The following ST6GALNAC2 variants were observed in gnomAD, a reference collection of about 807,000 sequenced individuals.
The protein encoded by ST6GALNAC2 is alpha-N-acetylgalactosaminide alpha-2,6-sialyltransferase 2.
Under a neutral mutation model 38.7 loss-of-function variants are expected in ST6GALNAC2, and 42 were observed. The ratio of observed to expected loss-of-function variants is 1.09; its 90% CI spans 0.85 to 1.40. The LOEUF is 1.40. ST6GALNAC2 is among the 40% of genes most tolerant of loss of function. The pLI is 0.00. For missense variants in ST6GALNAC2, 506 were observed against 481.7 expected, an observed-to-expected ratio of 1.05 and a Z score of -0.47; for synonymous variants, 233 against 209.0, an observed-to-expected ratio of 1.11 and a Z score of -0.99.
intron 1 of ST6GALNAC2, among the ~76,000 whole-genome samples, chr17:76,581,536 G>A (rs1294710251): frequency 6.6e-6 from 1 of 152,198 alleles, no homozygotes; most frequent in Non-Finnish European, 1.5e-5. Flanking sequence ...AGACGGGTGG[G>A]GGACAGGGGT....
In ST6GALNAC2 at chr17:76,566,211, G is replaced by A. The variant is rs369820531; in HGVS notation, c.1018C>T (p.Arg340Ter). 40 of 1,613,998 alleles carry A rather than the reference G, an allele frequency of 2.5e-5. No individual in the cohort carries two copies. The highest frequency in any genetic ancestry group is 3.3e-5 in the South Asian group (3 of 91,088). ...TAAAATATCAATGGCTTCATTTTTC[G>A]TTCGAAATAGTGGTCGGAAAATTTC... ...YWKFSDHYFE[R>*]KMKPLIFYAN... The change falls in exon 9 of 9, where the codon CGA becomes TGA. Residue 340 changes from arginine to a stop codon, truncating the protein, a stop_gained. Coordinates refer to ENST00000225276, the MANE Select transcript of ST6GALNAC2 (RefSeq NM_006456.3). LOFTEE classifies it low-confidence loss of function (END_TRUNC).
chr17:76,568,659 T>G (rs991099483), intron 7 of ST6GALNAC2, 54 bp downstream of exon 7: 14 of 1,561,666 alleles, frequency 9.0e-6, no homozygotes, highest in Non-Finnish European at 1.1e-5. Flanking sequence ...TGTGGGTGGG[T>G]GTGTAAAAGG....
chr17:76,575,098 C>T (rs2075400721), intron 2 of ST6GALNAC2, among the ~76,000 whole-genome samples: 1 of 152,212 alleles, frequency 6.6e-6, no homozygotes, highest in South Asian at 2.1e-4. Flanking sequence ...TGGCCTCACA[C>T]TCCTTCATCT....
rs573886268 is a variant in ST6GALNAC2, at chr17:76,565,823, C to T, written c.*281G>A. ...TGTCTGATCTTGCTGAACACTCCAC[C>T]GACATTTCCTAAAGTTGCTCAGTGC... On this transcript the variant is annotated 3_prime_UTR_variant, in exon 9 of 9. Transcript: ENST00000225276. The T allele has an allele frequency of 9.9e-5, 34 of 341,752 alleles. 1 individual carries two copies. The highest frequency in any genetic ancestry group is 7.9e-4 in the South Asian group (19 of 24,062). The allele number at this position is 341,752 out of a possible 1,614,324, so 21.2% of individuals were successfully genotyped here. A position where few individuals can be genotyped will look rare whatever the true frequency, so the allele number is the denominator to read the frequency against.
chr17:76,572,861 C>T (rs1598251172), intron 4 of ST6GALNAC2, 86 bp from the exon 5 acceptor site: 6 of 1,523,776 alleles, frequency 3.9e-6, no homozygotes, highest in Non-Finnish European at 5.4e-6. Flanking sequence ...CCTGGCCTAT[C>T]CCCCTGCCTC....
intron 5 of ST6GALNAC2, chr17:76,570,885 AG>A (rs1953952156): frequency 1.8e-6 from 1 of 548,340 alleles, no homozygotes; most frequent in South Asian, 2.1e-5. Context: ...CATCCCCTGG[AG>A]TATGGGCTGG....
Position 76,573,222 on chromosome 17 carries a change from T to C in ST6GALNAC2, c.503A>G (p.Asn168Ser). The part of the protein sequence containing the change: ...GILNGSRQGP[N>S]IDAHDYVFRL... ...GAATACATAGTCATGGGCATCGATG[T>C]TGGGACCCTGGCGGGACCCATTCAG... is the stretch of plus-strand genomic sequence containing the variant. The change falls in exon 4 of 9, where the codon AAC becomes AGC. Residue 168 changes from asparagine (N) to serine (S), a missense_variant. Physicochemically the swap from Asn to Ser is conservative, Grantham distance 46. Transcript: ENST00000225276. The surrounding 1 kb of genome is among the most constrained non-coding windows in gnomAD (Gnocchi z 5.1). 6.2e-7 allele frequency: 1 copy of C among 1,612,992 alleles called. No individual in the cohort carries two copies. Among genetic ancestry groups the C allele is most frequent in the African/African-American group, 1.3e-5 (1 of 75,012 alleles).
rs1450833045 is a variant in ST6GALNAC2, at chr17:76,573,607, T to G, written c.362-244A>C. 6.6e-6 allele frequency among the ~76,000 whole-genome samples: 1 copy of G among 152,142 alleles called. No individual in the cohort carries two copies. Among genetic ancestry groups the G allele is most frequent in the African/African-American group, 2.4e-5 (1 of 41,432 alleles). ...CTTGAATACCTTATCTTCTTAAGACTGGTGCTAGAGAAGTGAGCTCAGGGC... is the reference window on the plus strand; with the variant it reads ...CTTGAATACCTTATCTTCTTAAGACGGGTGCTAGAGAAGTGAGCTCAGGGC... On this transcript the variant is annotated intron_variant, in intron 3 of 8. Transcript: ENST00000225276. The surrounding 1 kb of genome is among the most constrained non-coding windows in gnomAD (Gnocchi z 5.1).
At chr17:76,574,090 A>G (rs2075385141) in intron 3 of ST6GALNAC2, among the ~76,000 whole-genome samples, 1 of 152,142 alleles carries the variant, frequency 6.6e-6, no homozygotes, top group Admixed American at 6.5e-5. Context: ...GTCCTTGGCC[A>G]CCATTGGACG....
At position 76,570,612 on chromosome 17, in the gene ST6GALNAC2, C is replaced by A; in HGVS notation, c.726G>T (p.Ser242=). The A allele has an allele frequency of 6.2e-7, 1 of 1,613,322 alleles. No homozygotes were observed. The highest frequency in any genetic ancestry group is 8.5e-7 in the Non-Finnish European group (1 of 1,179,814). Residue 242 remains serine, a synonymous_variant, in exon 6 of 9, where the codon TCG becomes TCT. Coordinates refer to ENST00000225276, the MANE Select transcript of ST6GALNAC2 (RefSeq NM_006456.3). ...CAGGGACAGGCACGCCCAGAATGGC[C>A]GATCTCAGCATCACATAGTCGCGGA... ...SDIRDYVMLR[S]AILGVPVPEG...
intron 1 of ST6GALNAC2, among the ~76,000 whole-genome samples, chr17:76,585,088 C>T (rs943621002): frequency 6.6e-6 from 1 of 152,206 alleles, no homozygotes; most frequent in Admixed American, 6.5e-5. Flanking sequence ...CAGGAGTCAC[C>T]CCTCTTTCCC....
intron 1 of ST6GALNAC2, among the ~76,000 whole-genome samples, chr17:76,580,065 T>C (rs528676791): frequency 6.6e-6 from 1 of 152,208 alleles, no homozygotes; most frequent in Non-Finnish European, 1.5e-5. Context: ...GATAATCATA[T>C]TGAGCTCCTT....
chr17:76,579,750 C>T (rs1293441000), intron 1 of ST6GALNAC2, among the ~76,000 whole-genome samples: 3 of 152,222 alleles, frequency 2.0e-5, no homozygotes, highest in African/African-American at 7.2e-5. Flanking sequence ...AGCCTCTCTT[C>T]TCTGGAGCAT....
intron 4 of ST6GALNAC2, 46 bp from the exon 5 acceptor site, chr17:76,572,821 G>A (rs751611368): frequency 1.5e-5 from 24 of 1,610,590 alleles, no homozygotes; most frequent in Non-Finnish European, 1.8e-5. Flanking sequence ...ACACCAGGCC[G>A]TCTGTTCTGC....
At position 76,572,879 on chromosome 17, in the gene ST6GALNAC2, C is replaced by G. The variant is rs567568240; in HGVS notation, c.531-104G>C. ...GGCCTATCCCCCTGCCTCTGTATGACCACTCCTTCTGCCCATGGCAGTACC... is the reference window on the plus strand; with the variant it reads ...GGCCTATCCCCCTGCCTCTGTATGAGCACTCCTTCTGCCCATGGCAGTACC... On this transcript the variant is annotated intron_variant, in intron 4 of 8. Coordinates refer to ENST00000225276, the MANE Select transcript of ST6GALNAC2 (RefSeq NM_006456.3). 3 of 1,395,836 alleles carry G rather than the reference C, an allele frequency of 2.1e-6. No individual in the cohort carries two copies. In the East Asian group the frequency reaches 6.9e-5, roughly 32 times the overall value. 86.5% of individuals were successfully genotyped at this position (1,395,836 alleles called of 1,614,324 possible).
intron 2 of ST6GALNAC2, among the ~76,000 whole-genome samples, chr17:76,578,232 T>C (rs569531065): frequency 6.6e-6 from 1 of 152,222 alleles, no homozygotes; most frequent in East Asian, 1.9e-4. Context: ...TGGTGCCTCA[T>C]TTTGCTCATT....
intron 1 of ST6GALNAC2, among the ~76,000 whole-genome samples, chr17:76,583,027 T>C (rs2075497901): frequency 6.6e-6 from 1 of 152,234 alleles, no homozygotes; most frequent in Admixed American, 6.5e-5. Context: ...GTAAACTTCA[T>C]ACTTAAAGTC....
chr17:76,566,888 GCT>G (rs2143285471), intron 8 of ST6GALNAC2, among the ~76,000 whole-genome samples: 1 of 152,198 alleles, frequency 6.6e-6, no homozygotes, highest in East Asian at 1.9e-4. Flanking sequence ...TTGGCCCCCA[GCT>G]CTCCATACCA....
Position 76,572,466 on chromosome 17 carries a change from C to T in ST6GALNAC2, c.669+171G>A, listed in dbSNP as rs141441702. Among the ~76,000 whole-genome samples the T allele has an allele frequency of 4.9e-3, 748 of 152,276 alleles. 8 individuals are homozygous for T. The highest frequency in any genetic ancestry group is 0.017 in the African/African-American group (691 of 41,550). ...GTGACGCCTGAATCAGCAGGGAGTC[C>T]GGGACCAGATCCCCCCTCACCTTCA... On this transcript the variant is annotated intron_variant, in intron 5 of 8. Transcript: ENST00000225276.
Sources: gnomAD v4.1 joint callset for allele counts (sites outside exome capture counted in the v4.1 genomes callset) on GRCh38, gnomAD v4.1.1 for gene constraint, Gnocchi (gnomAD v3.1) non-coding constraint, MANE v1.5 for transcripts, NCBI Gene and HGNC (gene_info 2026-07-23, HGNC 2026-07-21) for gene names.